The following KCNN2 variants were observed in gnomAD, a reference collection of about 807,000 sequenced individuals.
KCNN2 encodes the protein small conductance calcium-activated potassium channel protein 2.
A neutral mutation model predicts 55.5 loss-of-function variants in KCNN2; 24 were observed. The observed-to-expected ratio is 0.43, with a 90% confidence interval of 0.31 to 0.61. The LOEUF is 0.61. Ranked by LOEUF, KCNN2 falls within the 20% of genes least tolerant of loss-of-function variation. KCNN2 has a pLI of 0.08. For missense variants in KCNN2, 754 were observed against 853.6 expected, an observed-to-expected ratio of 0.88 and a Z score of 1.45; for synonymous variants, 431 against 336.1, an observed-to-expected ratio of 1.28 and a Z score of -3.09.
At chr5:114,474,868 T>C (rs1337466116) in intron 5 of KCNN2, among the ~76,000 whole-genome samples, 1 of 151,904 alleles carries the variant, frequency 6.6e-6, no homozygotes, top group Non-Finnish European at 1.5e-5. Context: ...ATGTCGCCCA[T>C]ATGTTTGCCT....
At chr5:114,313,464 T>C (rs1756443898) in intron 2 of KCNN2, among the ~76,000 whole-genome samples, 1 of 152,138 alleles carries the variant, frequency 6.6e-6, no homozygotes, top group Admixed American at 6.6e-5. Flanking sequence ...TTATATTCTT[T>C]TGCTAGTAAC....
At chr5:114,232,922 C>CTCGTT (rs200715120) in intron 2 of KCNN2, among the ~76,000 whole-genome samples, 1 of 44,038 alleles carries the variant, frequency 2.3e-5, no homozygotes, top group South Asian at 7.7e-4. Flanking sequence ...TATATTGTTT[C>CTCGTT]TTGTTTTTTT....
At chr5:114,175,043 G>T (rs554022535) in intron 1 of KCNN2, among the ~76,000 whole-genome samples, 1 of 152,234 alleles carries the variant, frequency 6.6e-6, no homozygotes, top group African/African-American at 2.4e-5. Context: ...CTATTTATTT[G>T]CTGGGCTGTT....
At chr5:114,177,470 A>C (rs1160192196) in intron 1 of KCNN2, among the ~76,000 whole-genome samples, 2 of 152,006 alleles carry the variant, frequency 1.3e-5, no homozygotes, top group South Asian at 4.1e-4. Flanking sequence ...CACACATCAC[A>C]AGTAAATTTA....
At chr5:114,075,545 G>A (rs1368296564) in intron 1 of KCNN2, among the ~76,000 whole-genome samples, 2 of 152,142 alleles carry the variant, frequency 1.3e-5, no homozygotes, top group Admixed American at 1.3e-4. Context: ...AAATAAAAAT[G>A]TCATATTGGC....
chr5:114,163,590 A>G (rs903126462), intron 1 of KCNN2, among the ~76,000 whole-genome samples: 4 of 152,182 alleles, frequency 2.6e-5, no homozygotes, highest in African/African-American at 7.2e-5. Context: ...CCTCAAGTCC[A>G]TTTTGTATGG....
At chr5:114,094,018 AT>A (rs1751203844) in intron 1 of KCNN2, among the ~76,000 whole-genome samples, 1 of 152,186 alleles carries the variant, frequency 6.6e-6, no homozygotes. Flanking sequence ...ACCTGTTCTC[AT>A]TTCAGCTAAA....
intron 2 of KCNN2, among the ~76,000 whole-genome samples, chr5:114,374,766 G>C (rs1757883791): frequency 6.6e-6 from 1 of 152,064 alleles, no homozygotes. Context: ...TGTAAACTTG[G>C]AATTAATTAT....
At chr5:114,092,579 C>T (rs554039407) in intron 1 of KCNN2, among the ~76,000 whole-genome samples, 1 of 152,310 alleles carries the variant, frequency 6.6e-6, no homozygotes, top group African/African-American at 2.4e-5. Context: ...TTTCCTTCTG[C>T]ACCACCCTAG....
chr5:114,387,890 A>G (rs560864521), intron 2 of KCNN2, among the ~76,000 whole-genome samples: 98 of 152,330 alleles, frequency 6.4e-4, no homozygotes, highest in Middle Eastern at 3.4e-3. Flanking sequence ...ATTATTTATC[A>G]TAGGAGAAAA....
At chr5:114,211,167 A>G (rs1753874365) in intron 1 of KCNN2, among the ~76,000 whole-genome samples, 2 of 152,120 alleles carry the variant, frequency 1.3e-5, no homozygotes, top group Non-Finnish European at 2.9e-5. Context: ...TCTCAGAGAG[A>G]TAAAAACAGA....
At chr5:114,142,795 G>A (rs2112507145) in intron 1 of KCNN2, among the ~76,000 whole-genome samples, 1 of 152,274 alleles carries the variant, frequency 6.6e-6, no homozygotes, top group East Asian at 1.9e-4. Context: ...ACTGCCCAAT[G>A]TAATTTATAG....
intron 2 of KCNN2, among the ~76,000 whole-genome samples, chr5:114,310,601 T>G (rs1756375284): frequency 6.6e-6 from 1 of 152,104 alleles, no homozygotes; most frequent in Middle Eastern, 3.2e-3. Flanking sequence ...AATGACCATT[T>G]TTAAAATATG....
chr5:114,168,562 C>A (rs1049158810), intron 1 of KCNN2, among the ~76,000 whole-genome samples: 3 of 151,942 alleles, frequency 2.0e-5, no homozygotes, highest in Non-Finnish European at 4.4e-5. Context: ...TTGTTGAGAA[C>A]AAGCTAAAAA....
chr5:114,484,394 C>G (rs1331051522), intron 5 of KCNN2, among the ~76,000 whole-genome samples: 1 of 152,130 alleles, frequency 6.6e-6, no homozygotes, highest in Non-Finnish European at 1.5e-5. Flanking sequence ...GATTATTACA[C>G]TAAAAGCCCA....
chr5:114,384,362 C>T (rs920073568), intron 2 of KCNN2, among the ~76,000 whole-genome samples: 2 of 152,072 alleles, frequency 1.3e-5, no homozygotes, highest in Admixed American at 6.6e-5. Context: ...ATTATTTATT[C>T]TTTTTGTCTC....
At chr5:114,446,068 C>T (rs750599572) in intron 3 of KCNN2, among the ~76,000 whole-genome samples, 1 of 152,140 alleles carries the variant, frequency 6.6e-6, no homozygotes, top group Non-Finnish European at 1.5e-5. Context: ...TCCCCTGGCC[C>T]CAGTACTTGG....
chr5:114,229,623 A>C lies in KCNN2; in HGVS notation c.-185+8058A>C, dbSNP rs576459185. Among the ~76,000 whole-genome samples the C allele has an allele frequency of 3.7e-4, 57 of 152,118 alleles. 1 individual carries two copies. Among genetic ancestry groups the C allele is most frequent in the African/African-American group, 2.4e-5 (1 of 41,548 alleles). Reference sequence around the variant, plus strand: ...AGATGTAAATATTAGTATGTATTTAAAATATATGTGTATTATAGATGTTAA... The same window carrying C: ...AGATGTAAATATTAGTATGTATTTACAATATATGTGTATTATAGATGTTAA... On this transcript the variant is annotated intron_variant, in intron 2 of 10. Transcript: ENST00000512097.
intron 1 of KCNN2, among the ~76,000 whole-genome samples, chr5:114,123,857 G>C (rs962077043): frequency 6.6e-6 from 1 of 152,092 alleles, no homozygotes; most frequent in African/African-American, 2.4e-5. Flanking sequence ...GGGACTCCCT[G>C]TGCAGCCACC....
Sources: allele counts gnomAD v4.1 joint callset (sites outside exome capture counted in the v4.1 genomes callset), GRCh38; gene constraint gnomAD v4.1.1; transcripts MANE v1.5; gene names NCBI Gene and HGNC (gene_info 2026-07-23, HGNC 2026-07-21).